The following CHSY3 variants were observed in gnomAD, a reference collection of about 807,000 sequenced individuals.
The protein encoded by CHSY3 is N-acetylgalactosaminyl-proteoglycan 3-beta-glucuronosyltransferase 3.
A neutral mutation model predicts 67.2 loss-of-function variants in CHSY3; 35 were observed. That is an observed-to-expected ratio of 0.52 (90% CI 0.40 to 0.69). CHSY3 has a LOEUF of 0.69. Among genes scored for constraint, CHSY3 ranks in the 30% least tolerant of loss-of-function variants. The probability of loss-of-function intolerance (pLI) is 0.00; values close to 1 mark genes in which losing one functional copy is unlikely to be tolerated. For missense variants in CHSY3, 1,069 were observed against 1,138.5 expected (o/e 0.94, Z 0.88); for synonymous variants, 474 against 434.7 (o/e 1.09, Z -1.12).
At position 129,962,000 on chromosome 5, in the gene CHSY3, C is replaced by T. The variant is rs180989950; in HGVS notation, c.1086+53640C>T. Among the ~76,000 whole-genome samples, 3 of 152,130 alleles carry T rather than the reference C, an allele frequency of 2.0e-5. No homozygotes were observed. In the East Asian group the frequency reaches 5.8e-4, roughly 30 times the overall value. ...CTATCCATACCTGCAGCCAATCTTT[C>T]AACTTTGTCCCTAAGTTACATACAT... is the stretch of plus-strand genomic sequence containing the variant. On this transcript the variant is annotated intron_variant, in intron 2 of 2. Coordinates refer to ENST00000305031, the MANE Select transcript of CHSY3 (RefSeq NM_175856.5).
intron 2 of CHSY3, among the ~76,000 whole-genome samples, chr5:129,991,942 G>A (rs1763381026): frequency 1.3e-5 from 2 of 152,162 alleles, no homozygotes; most frequent in Non-Finnish European, 2.9e-5. Context: ...CCCTTTCTCT[G>A]TTTATAGTTT....
chr5:130,012,864 A>G (rs770038028), intron 2 of CHSY3, among the ~76,000 whole-genome samples: 2 of 151,952 alleles, frequency 1.3e-5, no homozygotes, highest in Non-Finnish European at 2.9e-5. Context: ...GTCCCCCAAA[A>G]AGTCTTAACT....
chr5:130,020,863 T>C (rs186999854), intron 2 of CHSY3, among the ~76,000 whole-genome samples: 25 of 152,182 alleles, frequency 1.6e-4, no homozygotes, highest in Non-Finnish European at 3.4e-4. Context: ...TCCTTGTGCA[T>C]GTCTTGATCT....
At chr5:130,055,826 C>T (rs957016955) in intron 2 of CHSY3, among the ~76,000 whole-genome samples, 1 of 152,048 alleles carries the variant, frequency 6.6e-6, no homozygotes, top group African/African-American at 2.4e-5. Flanking sequence ...TGTCTGAGCT[C>T]ATGCAGGGCA....
At chr5:129,986,200 T>C (rs1196587783) in intron 2 of CHSY3, among the ~76,000 whole-genome samples, 1 of 152,156 alleles carries the variant, frequency 6.6e-6, no homozygotes, top group African/African-American at 2.4e-5. Context: ...GGTATGTACA[T>C]TCAGTGCCTA....
At chr5:129,905,913 C>A in intron 1 of CHSY3, 1 of 606,010 alleles carries the variant, frequency 1.7e-6, no homozygotes, top group Non-Finnish European at 2.6e-6. Context: ...TAGTCTTTAC[C>A]TCGTCGGAGA....
intron 2 of CHSY3, among the ~76,000 whole-genome samples, chr5:130,128,868 T>C (rs1316059778): frequency 6.6e-6 from 1 of 152,068 alleles, no homozygotes; most frequent in Non-Finnish European, 1.5e-5. Flanking sequence ...AATATTTCTG[T>C]AATGAACTTT....
chr5:129,924,369 C>T (rs1761024454), intron 2 of CHSY3, among the ~76,000 whole-genome samples: 1 of 151,976 alleles, frequency 6.6e-6, no homozygotes. Context: ...AATTAACGGC[C>T]GAGCGCAGTG....
At chr5:130,164,300 A>C (rs1301217115) in intron 2 of CHSY3, among the ~76,000 whole-genome samples, 1 of 152,176 alleles carries the variant, frequency 6.6e-6, no homozygotes, top group Admixed American at 6.6e-5. Flanking sequence ...CAACAGGATA[A>C]TTAGGGAGCA....
At chr5:129,924,638 C>T (rs1581371403) in intron 2 of CHSY3, among the ~76,000 whole-genome samples, 3 of 111,474 alleles carry the variant, frequency 2.7e-5, no homozygotes, top group African/African-American at 5.8e-5. Context: ...GAGTGAGACT[C>T]CCTCTAAAAA....
chr5:130,118,878 T>C (rs1449465412), intron 2 of CHSY3, among the ~76,000 whole-genome samples: 1 of 152,130 alleles, frequency 6.6e-6, no homozygotes, highest in Non-Finnish European at 1.5e-5. Context: ...ATTTTCCTCT[T>C]TCTTTCACAT....
intron 2 of CHSY3, among the ~76,000 whole-genome samples, chr5:130,183,416 T>TA (rs1186211731): frequency 2.0e-5 from 3 of 152,108 alleles, no homozygotes; most frequent in Non-Finnish European, 4.4e-5. Flanking sequence ...ACTTACTCGG[T>TA]AAAAATAGTA....
chr5:129,934,231 A>C (rs1024595340), intron 2 of CHSY3, among the ~76,000 whole-genome samples: 1 of 152,196 alleles, frequency 6.6e-6, no homozygotes, highest in Admixed American at 6.5e-5. Context: ...AAAGAATGAG[A>C]TAAAATATAA....
At chr5:130,056,756 T>C (rs1397878169) in intron 2 of CHSY3, among the ~76,000 whole-genome samples, 1 of 152,078 alleles carries the variant, frequency 6.6e-6, no homozygotes, top group Non-Finnish European at 1.5e-5. Context: ...GCAGGATTCT[T>C]AACTGTATTG....
chr5:130,075,741 G>T (rs1766228422), intron 2 of CHSY3, among the ~76,000 whole-genome samples: 1 of 152,190 alleles, frequency 6.6e-6, no homozygotes, highest in South Asian at 2.1e-4. Context: ...TGGAAGAAAG[G>T]GCTGTGTCAA....
intron 2 of CHSY3, among the ~76,000 whole-genome samples, chr5:129,989,782 C>G (rs1763307383): frequency 6.6e-6 from 1 of 152,132 alleles, no homozygotes; most frequent in African/African-American, 2.4e-5. Context: ...GTGCATGCTT[C>G]ATAGTATTAA....
At position 130,081,541 on chromosome 5, in the gene CHSY3, C is replaced by A. The variant is rs554841968; in HGVS notation, c.1087-102688C>A. On this transcript the variant is annotated intron_variant, in intron 2 of 2. Coordinates refer to ENST00000305031, the MANE Select transcript of CHSY3 (RefSeq NM_175856.5). ...CTCCCTGATATCGTTTGACTGTGTC[C>A]CCACCCAAATCCACTCCTGAATTGT... Among the ~76,000 whole-genome samples the A allele has an allele frequency of 9.7e-4, 148 of 152,012 alleles. 1 individual carries two copies. Among genetic ancestry groups the A allele is most frequent in the South Asian group, 2.7e-3 (13 of 4,816 alleles).
chr5:130,126,981 G>A (rs1053130161), intron 2 of CHSY3, among the ~76,000 whole-genome samples: 1 of 152,012 alleles, frequency 6.6e-6, no homozygotes, highest in Non-Finnish European at 1.5e-5. Context: ...ATCCTTTTTG[G>A]CTTTGCACCA....
intron 2 of CHSY3, among the ~76,000 whole-genome samples, chr5:130,101,654 A>G (rs907528027): frequency 1.3e-5 from 2 of 152,146 alleles, no homozygotes; most frequent in South Asian, 2.1e-4. Context: ...GTTATTAACT[A>G]TAGTCACCAT....
Sources: gnomAD v4.1 joint callset for allele counts (sites outside exome capture counted in the v4.1 genomes callset) on GRCh38, gnomAD v4.1.1 for gene constraint, MANE v1.5 for transcripts, NCBI Gene and HGNC (gene_info 2026-07-23, HGNC 2026-07-21) for gene names.